The following BRINP3 variants were observed in gnomAD, a reference collection of about 807,000 sequenced individuals.
BRINP3 encodes BMP/retinoic acid-inducible neural-specific protein 3.
A neutral mutation model predicts 71.0 loss-of-function variants in BRINP3; 19 were observed. That is an observed-to-expected ratio of 0.27 (90% CI 0.19 to 0.39). The LOEUF is 0.39. Ranked by LOEUF, BRINP3 falls within the 10% of genes least tolerant of loss-of-function variation. The pLI, the probability that BRINP3 is intolerant of heterozygous loss-of-function variation, is 1.00. For synonymous variants in BRINP3, 380 were observed against 337.7 expected (o/e 1.13, Z -1.37); for missense variants, 959 against 940.8 (o/e 1.02, Z -0.25).
intron 2 of BRINP3, among the ~76,000 whole-genome samples, chr1:190,372,247 C>A (rs947935126): frequency 2.8e-4 from 43 of 152,260 alleles, no homozygotes; most frequent in African/African-American, 1.0e-3. Flanking sequence ...ATTGCCTCTG[C>A]AACCTGTTGA....
At chr1:190,360,707 A>C (rs538044797) in intron 2 of BRINP3, among the ~76,000 whole-genome samples, 2 of 152,164 alleles carry the variant, frequency 1.3e-5, no homozygotes, top group South Asian at 4.1e-4. Flanking sequence ...CTTGGTGGAA[A>C]ACATGTGACT....
At chr1:190,329,460 T>C (rs1666821704) in intron 2 of BRINP3, among the ~76,000 whole-genome samples, 1 of 151,654 alleles carries the variant, frequency 6.6e-6, no homozygotes, top group Non-Finnish European at 1.5e-5. Context: ...AAAAAATACC[T>C]AGAAATATGT....
At chr1:190,125,295 T>C (rs1458591208) in intron 7 of BRINP3, among the ~76,000 whole-genome samples, 1 of 151,582 alleles carries the variant, frequency 6.6e-6, no homozygotes, top group Non-Finnish European at 1.5e-5. Context: ...TAAAAATACA[T>C]ATGCATATTT....
rs1028969961 is a variant in BRINP3, at chr1:190,261,118, A to G, written c.618+3747T>C. Among the ~76,000 whole-genome samples, 4 of 152,222 alleles carry G rather than the reference A, an allele frequency of 2.6e-5. No homozygotes were observed. The South Asian group carries it at 8.3e-4, about 32-fold the overall frequency. ...TCTCTTTGAAAATATGTGTGACATA[A>G]TATGTCAGGTGATAGATTAAATATC... On this transcript the variant is annotated intron_variant, in intron 4 of 7. Transcript: ENST00000367462.
chr1:190,234,241 A>G (rs1442982029), intron 5 of BRINP3, 131 bp downstream of exon 5: 1 of 491,198 alleles, frequency 2.0e-6, no homozygotes, highest in East Asian at 3.2e-5. Context: ...TAAATTATGA[A>G]ATTAGCCTTT....
At chr1:190,123,357 T>C (rs1244051239) in intron 7 of BRINP3, among the ~76,000 whole-genome samples, 2 of 151,246 alleles carry the variant, frequency 1.3e-5, no homozygotes, top group Admixed American at 6.6e-5. Flanking sequence ...TAATAACGAC[T>C]TCAGTCTCTG....
rs185896050 is a variant in BRINP3, at chr1:190,466,060, G to A, written c.-50-11120C>T. On this transcript the variant is annotated intron_variant, in intron 1 of 7. Transcript: ENST00000367462. The stretch of plus-strand genomic sequence containing the variant: ...TTTGTTATTAAAAGAATTTTGTCAT[G>A]TAAGTGTCAATTTAAAGAAAATGTG... Among the ~76,000 whole-genome samples the A allele has an allele frequency of 9.8e-4, 149 of 151,422 alleles. 1 individual carries two copies. In the East Asian group the frequency reaches 0.023, roughly 24 times the overall value.
intron 4 of BRINP3, among the ~76,000 whole-genome samples, chr1:190,258,152 T>G (rs1003852183): frequency 2.0e-5 from 3 of 152,152 alleles, no homozygotes; most frequent in Non-Finnish European, 2.9e-5. Flanking sequence ...AGTTCAAGCT[T>G]CCCCAGCTGC....
intron 6 of BRINP3, 138 bp downstream of exon 6, chr1:190,225,944 T>C (rs1472435726): frequency 4.8e-6 from 3 of 630,236 alleles, no homozygotes; most frequent in Non-Finnish European, 5.3e-6. Flanking sequence ...GTAAAAGCAA[T>C]GAAAATGTCC....
rs558456729 is a variant in BRINP3, at chr1:190,281,609, G to A, written c.378C>T (p.Asn126=). ...AATGTGTCCCATATTTCTTGATAAG[G>A]TTTTCTGTGATTTGCTGAAGGGTAG... ...RRPTLQQITE[N]LIKKYGTHFL... The change falls in exon 3 of 8, where the codon AAC becomes AAT. Residue 126 remains asparagine (N), a synonymous_variant. Transcript: ENST00000367462. The A allele has an allele frequency of 6.2e-7, 1 of 1,612,824 alleles. No homozygotes were observed. Among genetic ancestry groups the A allele is most frequent in the Non-Finnish European group, 8.5e-7 (1 of 1,179,228 alleles).
chr1:190,334,999 AT>A (rs1471972918), intron 2 of BRINP3, among the ~76,000 whole-genome samples: 6 of 151,816 alleles, frequency 4.0e-5, no homozygotes, highest in Admixed American at 3.9e-4. Flanking sequence ...TTGATGTTTG[AT>A]ATCTAGTTTA....
chr1:190,442,619 A>C (rs912499812), intron 2 of BRINP3, among the ~76,000 whole-genome samples: 3 of 152,164 alleles, frequency 2.0e-5, no homozygotes, highest in Non-Finnish European at 4.4e-5. Flanking sequence ...CAAATTAAGA[A>C]AATTGGATTT....
At chr1:190,410,129 T>C (rs1203617292) in intron 2 of BRINP3, among the ~76,000 whole-genome samples, 4 of 152,058 alleles carry the variant, frequency 2.6e-5, no homozygotes, top group Non-Finnish European at 5.9e-5. Flanking sequence ...AGAGAACAGA[T>C]TAAAGATGTA....
At chr1:190,105,300 TAC>T (rs894881081) in intron 7 of BRINP3, among the ~76,000 whole-genome samples, 8 of 151,672 alleles carry the variant, frequency 5.3e-5, no homozygotes, top group South Asian at 2.1e-4. Flanking sequence ...CACACACACA[TAC>T]ACACACACAC....
At position 190,280,518 on chromosome 1, in the gene BRINP3, G is replaced by A. The variant is rs116073307; in HGVS notation, c.427+1042C>T. ...AGATGCTGGAGAGCAGGTGAGGAAAGAGTTTGATATGGGGTATATTCTGGT... is the reference window on the plus strand; with the variant it reads ...AGATGCTGGAGAGCAGGTGAGGAAAAAGTTTGATATGGGGTATATTCTGGT... On this transcript the variant is annotated intron_variant, in intron 3 of 7. Transcript: ENST00000367462. Among the ~76,000 whole-genome samples the A allele has an allele frequency of 2.2e-3, 328 of 151,960 alleles. 3 individuals carry two copies. Among genetic ancestry groups the A allele is most frequent in the African/African-American group, 7.4e-3 (306 of 41,502 alleles).
At chr1:190,339,297 A>G (rs939655933) in intron 2 of BRINP3, among the ~76,000 whole-genome samples, 1 of 152,008 alleles carries the variant, frequency 6.6e-6, no homozygotes, top group African/African-American at 2.4e-5. Context: ...TCTTTGAAAA[A>G]GGATTGTAAT....
At chr1:190,421,103 T>C (rs987611729) in intron 2 of BRINP3, among the ~76,000 whole-genome samples, 1 of 151,608 alleles carries the variant, frequency 6.6e-6, no homozygotes, top group African/African-American at 2.4e-5. Flanking sequence ...CAATACTAAT[T>C]GTAACTAGAA....
intron 2 of BRINP3, among the ~76,000 whole-genome samples, chr1:190,314,148 G>A (rs985734322): frequency 2.0e-5 from 3 of 152,000 alleles, no homozygotes; most frequent in African/African-American, 7.2e-5. Context: ...CATAGACCTT[G>A]ATGTCTATCA....
intron 4 of BRINP3, among the ~76,000 whole-genome samples, chr1:190,262,545 C>T (rs1661275338): frequency 6.6e-6 from 1 of 152,118 alleles, no homozygotes; most frequent in African/African-American, 2.4e-5. Flanking sequence ...GCTGTTTCCT[C>T]CACCTAGTAT....
Sources: gnomAD v4.1 joint callset for allele counts (sites outside exome capture counted in the v4.1 genomes callset) on GRCh38, gnomAD v4.1.1 for gene constraint, MANE v1.5 for transcripts, NCBI Gene and HGNC (gene_info 2026-07-23, HGNC 2026-07-21) for gene names.